The following RNF217 variants were observed in gnomAD, a reference collection of about 807,000 sequenced individuals.
The protein encoded by RNF217 is ring finger protein 217, also known as E3 ubiquitin-protein ligase RNF217.
A neutral mutation model predicts 57.8 loss-of-function variants in RNF217; 31 were observed. The ratio of observed to expected loss-of-function variants is 0.54; its 90% CI spans 0.40 to 0.72. The LOEUF is 0.72. Ranked by LOEUF, RNF217 falls within the 30% of genes least tolerant of loss-of-function variation. RNF217 has a pLI of 0.00. For missense variants in RNF217, 696 were observed against 708.3 expected, an observed-to-expected ratio of 0.98 and a Z score of 0.20; for synonymous variants, 313 against 294.0, an observed-to-expected ratio of 1.06 and a Z score of -0.66.
At chr6:124,979,054 G>T (rs1463174422) in intron 1 of RNF217, among the ~76,000 whole-genome samples, 1 of 152,144 alleles carries the variant, frequency 6.6e-6, no homozygotes, top group Non-Finnish European at 1.5e-5. Context: ...GAGAGAGAGA[G>T]TGTAAGATGG....
intron 2 of RNF217, among the ~76,000 whole-genome samples, chr6:125,051,306 G>C (rs1212278244): frequency 6.6e-6 from 1 of 151,860 alleles, no homozygotes; most frequent in Admixed American, 6.6e-5. Flanking sequence ...TTAGCACAAT[G>C]AACAAGTGAA....
intron 1 of RNF217, among the ~76,000 whole-genome samples, chr6:125,036,095 G>C (rs1049507974): frequency 2.6e-5 from 4 of 151,752 alleles, no homozygotes; most frequent in African/African-American, 9.7e-5. Flanking sequence ...CCCCCTGACA[G>C]GCCTCGGTGT....
In RNF217 at chr6:125,092,107, A is replaced by T. The variant is rs484003; in HGVS notation, c.*9170A>T. 6.6e-6 allele frequency: 1 copy of T among 152,138 alleles called. No homozygotes were observed. Among genetic ancestry groups the T allele is most frequent in the South Asian group, 2.1e-4 (1 of 4,832 alleles). The allele number at this position is 152,138 out of a possible 1,614,324, so 9.4% of individuals were successfully genotyped here. A position where few individuals can be genotyped will look rare whatever the true frequency, so the allele number is the denominator to read the frequency against. On this transcript the variant is annotated 3_prime_UTR_variant, in exon 6 of 6. Coordinates refer to ENST00000521654, the MANE Select transcript of RNF217 (RefSeq NM_001286398.3). Reference sequence around the variant, plus strand: ...GAAAAGAATCTTCCTGCCAACAGGTAGGTCCTGCTGGACAGGACCTGAAAA... The same window carrying T: ...GAAAAGAATCTTCCTGCCAACAGGTTGGTCCTGCTGGACAGGACCTGAAAA...
rs1424610542 is a variant in RNF217, at chr6:125,082,426, A to G, written c.1556-438A>G. ...TGTGAGTTAGGACATTATGTAATAG[A>G]TATTATTATCTGTATTATACAGTTG... On this transcript the variant is annotated intron_variant, in intron 5 of 5. Coordinates refer to ENST00000521654, the MANE Select transcript of RNF217 (RefSeq NM_001286398.3). 3 of 1,575,630 alleles carry G rather than the reference A, an allele frequency of 1.9e-6. No individual in the cohort carries two copies. In the East Asian group the frequency reaches 6.9e-5, roughly 36 times the overall value.
chr6:125,009,115 A>C, intron 1 of RNF217: 1 of 898,132 alleles, frequency 1.1e-6, no homozygotes, highest in Non-Finnish European at 1.6e-6. Flanking sequence ...TTAGAAATGT[A>C]TGTATAAAGG....
chr6:125,038,320 T>C (rs747068755), intron 1 of RNF217, among the ~76,000 whole-genome samples: 11 of 152,144 alleles, frequency 7.2e-5, no homozygotes, highest in African/African-American at 9.7e-5. Flanking sequence ...TGACATGTTA[T>C]TTAGAATGTT....
chr6:124,987,900 A>G (rs1049573099), intron 1 of RNF217, among the ~76,000 whole-genome samples: 2 of 152,190 alleles, frequency 1.3e-5, no homozygotes, highest in African/African-American at 4.8e-5. Context: ...GTGATTTTAG[A>G]TTGGATTAAT....
chr6:124,968,052 G>A (rs568939291), intron 1 of RNF217, among the ~76,000 whole-genome samples: 1 of 152,262 alleles, frequency 6.6e-6, no homozygotes, highest in African/African-American at 2.4e-5. Flanking sequence ...AGTGCTGGGG[G>A]ATTACAGGCA....
intron 2 of RNF217, among the ~76,000 whole-genome samples, chr6:125,055,221 G>A (rs1351086006): frequency 6.6e-6 from 1 of 152,120 alleles, no homozygotes; most frequent in Non-Finnish European, 1.5e-5. Context: ...TTTTCAGTGA[G>A]AGATAGTAAG....
chr6:125,046,633 A>G (rs1382001429), intron 2 of RNF217: 1 of 455,850 alleles, frequency 2.2e-6, no homozygotes, highest in East Asian at 7.0e-5. Context: ...AGTGGTTTCA[A>G]AGGCTGTTTG....
chr6:125,081,618 G>T (rs1176265358), intron 5 of RNF217, 111 bp downstream of exon 5: 2 of 835,730 alleles, frequency 2.4e-6, no homozygotes, highest in African/African-American at 1.7e-5. Context: ...AATTTATGTT[G>T]TATGCCTGCT....
Position 124,962,444 on chromosome 6 carries a change from G to A in RNF217, c.-101G>A. On this transcript the variant is annotated 5_prime_UTR_variant, in exon 1 of 6. Transcript: ENST00000521654. This position sits in a 1 kb window ranked among gnomAD's most constrained non-coding sequence, Gnocchi z 4.6. ...GAGGAAGGACCCGGAAGCAGAAGCG[G>A]AGCCGCGAGTCGAGCCGAGCCACTG... 2.5e-6 allele frequency: 1 copy of A among 401,504 alleles called. No homozygotes were observed. The highest frequency in any genetic ancestry group is 3.7e-6 in the Non-Finnish European group (1 of 271,454). 24.9% of individuals were successfully genotyped at this position (401,504 alleles called of 1,614,324 possible).
At chr6:125,030,913 A>G (rs938675625) in intron 1 of RNF217, among the ~76,000 whole-genome samples, 4 of 152,140 alleles carry the variant, frequency 2.6e-5, no homozygotes, top group Non-Finnish European at 4.4e-5. Context: ...CAGAGGTTCT[A>G]CATGAGGGCC....
intron 5 of RNF217, 100 bp from the exon 6 acceptor site, chr6:125,082,760 CTTTG>C: frequency 8.8e-7 from 1 of 1,134,140 alleles, no homozygotes; most frequent in Non-Finnish European, 1.3e-6. Context: ...ATGTCTTCTT[CTTTG>C]TATGTTCGTA....
In RNF217 at chr6:125,091,396, C is replaced by T. The variant is rs1179700272; in HGVS notation, c.*8459C>T. On this transcript the variant is annotated 3_prime_UTR_variant, in exon 6 of 6. Coordinates refer to ENST00000521654, the MANE Select transcript of RNF217 (RefSeq NM_001286398.3). ...TATTTTTTGTGAGTGTTCTTTGGTC[C>T]CTCTATTTAAAGTGCTAAGGAGAAA... The T allele has an allele frequency of 6.6e-6, 1 of 151,504 alleles. No individual in the cohort carries two copies. The highest frequency in any genetic ancestry group is 1.5e-5 in the Non-Finnish European group (1 of 67,814). 9.4% of individuals were successfully genotyped at this position (151,504 alleles called of 1,614,324 possible).
chr6:125,012,970 A>C (rs1469471881), intron 1 of RNF217, among the ~76,000 whole-genome samples: 1 of 152,188 alleles, frequency 6.6e-6, no homozygotes, highest in Non-Finnish European at 1.5e-5. Flanking sequence ...TTTTTCAGAT[A>C]TAGAATATTA....
chr6:125,011,467 C>T (rs1785413157), intron 1 of RNF217, among the ~76,000 whole-genome samples: 1 of 152,086 alleles, frequency 6.6e-6, no homozygotes, highest in African/African-American at 2.4e-5. Flanking sequence ...CCAGCATGCT[C>T]CAATTCCAGA....
chr6:125,030,818 C>T (rs113359186), intron 1 of RNF217, among the ~76,000 whole-genome samples: 373 of 152,276 alleles, frequency 2.4e-3, no homozygotes, highest in African/African-American at 8.5e-3. Context: ...CAGTGGCCCT[C>T]TTCTTGCAGC....
chr6:125,002,230 A>G (rs1163364296), intron 1 of RNF217, among the ~76,000 whole-genome samples: 2 of 152,114 alleles, frequency 1.3e-5, no homozygotes, highest in Non-Finnish European at 2.9e-5. Flanking sequence ...ACTGAGTGTG[A>G]GGAATCTTGT....
Sources: allele counts gnomAD v4.1 joint callset (sites outside exome capture counted in the v4.1 genomes callset), GRCh38; gene constraint gnomAD v4.1.1; non-coding constraint Gnocchi (gnomAD v3.1); transcripts MANE v1.5; gene names NCBI Gene and HGNC (gene_info 2026-07-23, HGNC 2026-07-21).